ADARB1: variants seen among roughly 807,000 people sequenced by gnomAD.
ADARB1 encodes adenosine deaminase RNA specific B1, also known as double-stranded RNA-specific editase 1.
ADARB1 carries 10 observed loss-of-function variants against 52.4 expected under a neutral mutation model. The observed-to-expected ratio is 0.19, with a 90% confidence interval of 0.12 to 0.32. ADARB1 has a LOEUF of 0.32. Among genes scored for constraint, ADARB1 ranks in the 10% least tolerant of loss-of-function variants. The pLI, the probability that ADARB1 is intolerant of heterozygous loss-of-function variation, is 1.00. For synonymous variants in ADARB1, 349 were observed against 371.1 expected (o/e 0.94, Z 0.68); for missense variants, 643 against 922.3 (o/e 0.70, Z 3.92).
At chr21:45,192,980 A>T (rs2092339000) in intron 8 of ADARB1, among the ~76,000 whole-genome samples, 1 of 152,166 alleles carries the variant, frequency 6.6e-6, no homozygotes, top group African/African-American at 2.4e-5. Context: ...GAAAAACCCC[A>T]AGCTCAGATG....
intron 1 of ADARB1, among the ~76,000 whole-genome samples, chr21:45,095,063 T>C (rs796840766): frequency 5.9e-5 from 9 of 152,360 alleles, no homozygotes; most frequent in African/African-American, 2.2e-4. Context: ...TAGTCACTAA[T>C]GATCTGTCTC....
At chr21:45,197,256 C>G (rs2092445073) in intron 8 of ADARB1, among the ~76,000 whole-genome samples, 1 of 151,796 alleles carries the variant, frequency 6.6e-6, no homozygotes, top group South Asian at 2.1e-4. Flanking sequence ...AATCCCAACT[C>G]TTTGGGAGGC....
chr21:45,154,001 AC>A (rs1186083531), intron 2 of ADARB1, among the ~76,000 whole-genome samples: 1 of 152,224 alleles, frequency 6.6e-6, no homozygotes, highest in Non-Finnish European at 1.5e-5. Flanking sequence ...AATTACCACC[AC>A]TTTTCCCATG....
chr21:45,187,945 C>CT (rs1341508467), intron 8 of ADARB1, among the ~76,000 whole-genome samples: 2 of 151,986 alleles, frequency 1.3e-5, no homozygotes, highest in Non-Finnish European at 2.9e-5. Flanking sequence ...TGGTTTGTAG[C>CT]TTTTTTTACC....
At chr21:45,133,846 G>A (rs1271788182) in intron 2 of ADARB1, among the ~76,000 whole-genome samples, 2 of 137,992 alleles carry the variant, frequency 1.4e-5, no homozygotes, top group Admixed American at 7.3e-5. Context: ...GTGTGCGCCC[G>A]CCGGGTGTGC....
At chr21:45,110,435 G>C (rs935056205) in intron 1 of ADARB1, among the ~76,000 whole-genome samples, 1 of 152,172 alleles carries the variant, frequency 6.6e-6, no homozygotes, top group Non-Finnish European at 1.5e-5. Flanking sequence ...CTTGGGGACC[G>C]CGTTGTCAAA....
chr21:45,139,841 CT>C (rs1173458544), intron 2 of ADARB1, among the ~76,000 whole-genome samples: 1 of 150,506 alleles, frequency 6.6e-6, no homozygotes, highest in African/African-American at 2.4e-5. Flanking sequence ...CAAATTGAGA[CT>C]TACCTTTCTT....
intron 8 of ADARB1, among the ~76,000 whole-genome samples, chr21:45,198,497 TCACA>T (rs755171317): frequency 1.6e-4 from 15 of 95,018 alleles, no homozygotes; most frequent in South Asian, 3.8e-4. Context: ...TTAAATTAAA[TCACA>T]CACACACACA....
At chr21:45,105,972 T>C (rs1162109222) in intron 1 of ADARB1, among the ~76,000 whole-genome samples, 1 of 152,236 alleles carries the variant, frequency 6.6e-6, no homozygotes, top group African/African-American at 2.4e-5. Flanking sequence ...GTTGTCTTTG[T>C]TCTGTAAAAC....
intron 8 of ADARB1, among the ~76,000 whole-genome samples, chr21:45,193,597 G>A (rs2092354753): frequency 6.6e-6 from 1 of 152,224 alleles, no homozygotes; most frequent in African/African-American, 2.4e-5. Context: ...AAGTAAAACT[G>A]TCTTTATTTG....
intron 1 of ADARB1, among the ~76,000 whole-genome samples, chr21:45,116,102 C>T (rs911605507): frequency 4.6e-5 from 7 of 152,154 alleles, no homozygotes; most frequent in Admixed American, 2.6e-4. Context: ...TTCGGGGATG[C>T]TGATTAAGGT....
At chr21:45,117,759 C>T (rs913843616) in intron 1 of ADARB1, among the ~76,000 whole-genome samples, 3 of 152,152 alleles carry the variant, frequency 2.0e-5, no homozygotes, top group Admixed American at 6.5e-5. Context: ...AATACCAGCA[C>T]ATGGTAAAAA....
intron 2 of ADARB1, among the ~76,000 whole-genome samples, chr21:45,144,384 G>A (rs2089904393): frequency 6.6e-6 from 1 of 152,196 alleles, no homozygotes; most frequent in African/African-American, 2.4e-5. Context: ...ATGGCTATTT[G>A]TGACATTCTC....
At chr21:45,075,472 G>A (rs1396844221) in intron 1 of ADARB1, among the ~76,000 whole-genome samples, 1 of 152,176 alleles carries the variant, frequency 6.6e-6, no homozygotes, top group Admixed American at 6.5e-5. Flanking sequence ...TCCTTCCGAG[G>A]GCGCAGTGTC....
chr21:45,085,757 A>G (rs772685436), intron 1 of ADARB1, among the ~76,000 whole-genome samples: 2 of 152,186 alleles, frequency 1.3e-5, no homozygotes, highest in Non-Finnish European at 2.9e-5. Flanking sequence ...TGAAGCTTTC[A>G]ATTCTTTAAT....
Position 45,224,145 on chromosome 21 carries a change from G to A in ADARB1, c.*1948G>A, listed in dbSNP as rs892731305. 20 of 985,402 alleles carry A rather than the reference G, an allele frequency of 2.0e-5. No individual in the cohort carries two copies. Among genetic ancestry groups the A allele is most frequent in the Middle Eastern group, 5.2e-4 (1 of 1,914 alleles). 61.0% of individuals were successfully genotyped at this position (985,402 alleles called of 1,614,324 possible). ...TGCATTTTTATTGTCTTGATAAATT[G>A]TATTTTTTTCTAATGGGGATTGGGA... On this transcript the variant is annotated 3_prime_UTR_variant, in exon 11 of 11. Transcript: ENST00000348831.
chr21:45,124,000 CT>C (rs2088384775), intron 1 of ADARB1, among the ~76,000 whole-genome samples: 1 of 152,176 alleles, frequency 6.6e-6, no homozygotes, highest in African/African-American at 2.4e-5. Flanking sequence ...TGTGATGGAA[CT>C]TTATCCAAGG....
chr21:45,163,478 C>T (rs2091084993), intron 2 of ADARB1, among the ~76,000 whole-genome samples: 2 of 152,246 alleles, frequency 1.3e-5, no homozygotes, highest in Admixed American at 6.5e-5. Context: ...GTCAGGCCAG[C>T]GGGGGAGTGA....
At chr21:45,092,811 T>C (rs2086610220) in intron 1 of ADARB1, among the ~76,000 whole-genome samples, 1 of 152,198 alleles carries the variant, frequency 6.6e-6, no homozygotes, top group South Asian at 2.1e-4. Flanking sequence ...TTTACCTGAA[T>C]AATAATTTAA....
Sources: gnomAD v4.1 joint callset for allele counts (sites outside exome capture counted in the v4.1 genomes callset) on GRCh38, gnomAD v4.1.1 for gene constraint, MANE v1.5 for transcripts, NCBI Gene and HGNC (gene_info 2026-07-23, HGNC 2026-07-21) for gene names.